TASP1: variants seen among roughly 807,000 people sequenced by gnomAD.
TASP1 encodes taspase 1.
TASP1 carries 16 observed loss-of-function variants against 56.6 expected under a neutral mutation model. The ratio of observed to expected loss-of-function variants is 0.28; its 90% CI spans 0.19 to 0.43. The LOEUF (loss-of-function observed/expected upper bound fraction) is 0.43, where lower values mean the gene tolerates loss of function less well. Ranked by LOEUF, TASP1 falls within the 20% of genes least tolerant of loss-of-function variation. TASP1 has a pLI of 1.00. For missense variants in TASP1, 393 were observed against 511.6 expected, an observed-to-expected ratio of 0.77 and a Z score of 2.24; for synonymous variants, 179 against 184.2, an observed-to-expected ratio of 0.97 and a Z score of 0.23.
chr20:13,332,721 A>G, the TASP1 span, among the ~76,000 whole-genome samples: 1 of 152,132 alleles, frequency 6.6e-6, no homozygotes, highest in Non-Finnish European at 1.5e-5. Context: ...TACCTTTTCC[A>G]CTCTATGTCA....
intron 4 of TASP1, among the ~76,000 whole-genome samples, chr20:13,593,529 C>G (rs1335752439): frequency 2.6e-5 from 4 of 152,224 alleles, no homozygotes; most frequent in Non-Finnish European, 5.9e-5. Flanking sequence ...GTCTTAGCAG[C>G]CGGCAGACCA....
At chr20:13,199,760 C>A in the TASP1 span, among the ~76,000 whole-genome samples, 1 of 152,118 alleles carries the variant, frequency 6.6e-6, no homozygotes, top group Non-Finnish European at 1.5e-5. Context: ...GAGGGTGAAG[C>A]CTGTGTTCAA....
At chr20:13,342,780 C>T in the TASP1 span, among the ~76,000 whole-genome samples, 1 of 152,170 alleles carries the variant, frequency 6.6e-6, no homozygotes, top group African/African-American at 2.4e-5. Flanking sequence ...CACACCCTCC[C>T]TTCTGGACTG....
chr20:13,252,120 C>T, the TASP1 span, among the ~76,000 whole-genome samples: 10 of 152,236 alleles, frequency 6.6e-5, no homozygotes, highest in Admixed American at 2.6e-4. Context: ...GCCCTGTCTA[C>T]GGAGCCTTAA....
At chr20:13,313,290 C>T in the TASP1 span, among the ~76,000 whole-genome samples, 2 of 152,372 alleles carry the variant, frequency 1.3e-5, no homozygotes, top group East Asian at 1.9e-4. Flanking sequence ...TGCCTCCTTA[C>T]ACATTTTAAG....
At chr20:13,625,513 C>T (rs538454783) in intron 2 of TASP1, among the ~76,000 whole-genome samples, 18 of 152,328 alleles carry the variant, frequency 1.2e-4, no homozygotes, top group African/African-American at 4.3e-4. Flanking sequence ...GTCCCCTCCC[C>T]TCTTCTTTTC....
chr20:13,298,832 G>T, the TASP1 span: 1 of 1,051,474 alleles, frequency 9.5e-7, no homozygotes, highest in Admixed American at 2.4e-5. Flanking sequence ...GTTGACTTTA[G>T]TGTCCTCCTG....
chr20:13,365,993 A>C, the TASP1 span, among the ~76,000 whole-genome samples: 1 of 152,176 alleles, frequency 6.6e-6, no homozygotes, highest in East Asian at 1.9e-4. Flanking sequence ...GATGAGGAAA[A>C]GACGGGATTC....
At chr20:13,221,166 G>A in the TASP1 span, among the ~76,000 whole-genome samples, 1 of 151,480 alleles carries the variant, frequency 6.6e-6, no homozygotes, top group Admixed American at 6.6e-5. Context: ...GGGGCGGCGA[G>A]GGCGGGGGCG....
chr20:13,433,086 C>G (rs1363583864), intron 12 of TASP1, among the ~76,000 whole-genome samples: 1 of 152,028 alleles, frequency 6.6e-6, no homozygotes, highest in African/African-American at 2.4e-5. Flanking sequence ...ATCAACCTGT[C>G]ATCTACATTA....
At chr20:13,119,010 G>T in the TASP1 span, among the ~76,000 whole-genome samples, 1 of 152,186 alleles carries the variant, frequency 6.6e-6, no homozygotes, top group South Asian at 2.1e-4. Flanking sequence ...GCTGGGTAAT[G>T]CTAAAACCAT....
In TASP1 at chr20:13,417,559, C is replaced by T. The variant is rs111972709; in HGVS notation, c.1097-38G>A. ...AGAACACAAATAGGCACATTCAGAT[C>T]ACAGATGGAAAATAAATCTTTGCTT... is the stretch of plus-strand genomic sequence containing the variant. On this transcript the variant is annotated intron_variant, in intron 12 of 13. Coordinates refer to ENST00000337743, the MANE Select transcript of TASP1 (RefSeq NM_017714.3). The T allele has an allele frequency of 1.8e-3, 2,936 of 1,606,498 alleles. 38 individuals are homozygous for T. In the African/African-American group the frequency reaches 0.031, roughly 17 times the overall value.
chr20:13,334,658 A>G, the TASP1 span, among the ~76,000 whole-genome samples: 1 of 152,216 alleles, frequency 6.6e-6, no homozygotes, highest in Non-Finnish European at 1.5e-5. Context: ...ACTGCTTACT[A>G]TTTCACTTAG....
At chr20:13,317,809 T>A in the TASP1 span, among the ~76,000 whole-genome samples, 4 of 152,182 alleles carry the variant, frequency 2.6e-5, no homozygotes, top group African/African-American at 9.6e-5. Context: ...ATCATAGACC[T>A]AAATGTGAAA....
the TASP1 span, among the ~76,000 whole-genome samples, chr20:13,330,335 A>G: frequency 1.3e-5 from 2 of 152,340 alleles, no homozygotes; most frequent in Admixed American, 1.3e-4. Flanking sequence ...GTGGAATTAC[A>G]TTGATTGATT....
chr20:13,209,102 A>G, the TASP1 span, among the ~76,000 whole-genome samples: 1 of 152,182 alleles, frequency 6.6e-6, no homozygotes, highest in Admixed American at 6.6e-5. Flanking sequence ...TCCACTGTCT[A>G]TGAAGCCCCA....
intron 8 of TASP1, among the ~76,000 whole-genome samples, chr20:13,557,572 G>GTTTTTTTT (rs972801507): frequency 1.0e-5 from 1 of 99,762 alleles, no homozygotes; most frequent in Non-Finnish European, 2.0e-5. Flanking sequence ...GATGTTTTTG[G>GTTTTTTTT]TTTTTTTTTT....
chr20:13,538,670 C>T (rs1422458088), intron 8 of TASP1, among the ~76,000 whole-genome samples: 1 of 152,162 alleles, frequency 6.6e-6, no homozygotes, highest in Non-Finnish European at 1.5e-5. Flanking sequence ...CTAGACCTAG[C>T]TCTATATCTC....
chr20:13,106,274 A>G, the TASP1 span, among the ~76,000 whole-genome samples: 1 of 152,172 alleles, frequency 6.6e-6, no homozygotes, highest in Non-Finnish European at 1.5e-5. Flanking sequence ...TTATTAGGTA[A>G]TGATTGAGCC....
Sources: gnomAD v4.1 joint callset for allele counts (sites outside exome capture counted in the v4.1 genomes callset) on GRCh38, gnomAD v4.1.1 for gene constraint, MANE v1.5 for transcripts, NCBI Gene and HGNC (gene_info 2026-07-23, HGNC 2026-07-21) for gene names.